The following DNAJB13 variants were observed in gnomAD, a reference collection of about 807,000 sequenced individuals.
The protein encoded by DNAJB13 is DnaJ heat shock protein family (Hsp40) member B13, also known as dnaJ homolog subfamily B member 13.
A neutral mutation model predicts 35.6 loss-of-function variants in DNAJB13; 22 were observed. That is an observed-to-expected ratio of 0.62 (90% CI 0.44 to 0.88). The LOEUF (loss-of-function observed/expected upper bound fraction) is 0.88, where lower values mean the gene tolerates loss of function less well. Ranked by LOEUF, DNAJB13 falls within the 40% of genes least tolerant of loss-of-function variation. DNAJB13 has a pLI of 0.00. For missense variants in DNAJB13, 370 were observed against 384.3 expected, an observed-to-expected ratio of 0.96 and a Z score of 0.31; for synonymous variants, 136 against 144.2, an observed-to-expected ratio of 0.94 and a Z score of 0.41.
intron 3 of DNAJB13, among the ~76,000 whole-genome samples, chr11:73,961,914 C>T (rs773021421): frequency 4.6e-5 from 7 of 152,250 alleles, no homozygotes; most frequent in South Asian, 4.2e-4. Flanking sequence ...CTCAGCCACC[C>T]GAGTAGCTGG....
chr11:73,951,031 C>A lies in DNAJB13; in HGVS notation c.-39C>A. The A allele has an allele frequency of 6.2e-7, 1 of 1,611,728 alleles. No individual in the cohort carries two copies. Among genetic ancestry groups the A allele is most frequent in the South Asian group, 1.1e-5 (1 of 90,738 alleles). ...AGCCAACTAACAGCCTTGCTAGAGT[C>A]TGAGGACTATCCAGGGCCTGACTGC... is the stretch of plus-strand genomic sequence containing the variant. On this transcript the variant is annotated 5_prime_UTR_variant, in exon 1 of 8. The change creates a new upstream start codon in the 5' untranslated region. Transcript: ENST00000339764.
Position 73,964,897 on chromosome 11 carries a change from A to C in DNAJB13, c.354A>C (p.Gly118=). ...NPFSEFFDAE[G]SEVDLNFGGL... is the part of the protein sequence containing the mutation. ...CTGCAGAGTTTTTTGATGCAGAAGG[A>C]AGTGAGGTAGATTTGAACTTTGGGG... The change falls in exon 4 of 8, where the codon GGA becomes GGC. Residue 118 remains glycine, a synonymous_variant. Coordinates refer to ENST00000339764, the MANE Select transcript of DNAJB13 (RefSeq NM_153614.4). 1 of 1,613,074 alleles carries C rather than the reference A, an allele frequency of 6.2e-7. No homozygotes were observed. Among genetic ancestry groups the C allele is most frequent in the Non-Finnish European group, 8.5e-7 (1 of 1,179,880 alleles).
intron 1 of DNAJB13, among the ~76,000 whole-genome samples, chr11:73,956,489 G>A (rs912894672): frequency 6.6e-6 from 1 of 152,176 alleles, no homozygotes; most frequent in Admixed American, 6.5e-5. Flanking sequence ...GGTTATGCCA[G>A]GAGAGGGACC....
intron 5 of DNAJB13, among the ~76,000 whole-genome samples, chr11:73,967,748 A>G (rs910810357): frequency 1.3e-5 from 2 of 152,164 alleles, no homozygotes; most frequent in African/African-American, 4.8e-5. Flanking sequence ...CTGTCTAAAA[A>G]CAAAACAAAC....
chr11:73,957,936 A>G (rs567624316), intron 1 of DNAJB13, among the ~76,000 whole-genome samples: 51 of 150,962 alleles, frequency 3.4e-4, no homozygotes, highest in African/African-American at 1.2e-3. Flanking sequence ...AAGGAGGGAG[A>G]GTGCAGCGAG....
At chr11:73,967,375 C>A (rs1951147335) in intron 5 of DNAJB13, among the ~76,000 whole-genome samples, 1 of 152,090 alleles carries the variant, frequency 6.6e-6, no homozygotes, top group Non-Finnish European at 1.5e-5. Context: ...ATCCTTAAGT[C>A]CTGAGAAGAG....
rs1431910575 is a variant in DNAJB13 at position 73,969,242 on chromosome 11, C to T, written c.721-4C>T. The T allele has an allele frequency of 4.6e-6, 4 of 865,010 alleles. No homozygotes were observed. The highest frequency in any genetic ancestry group is 6.0e-6 in the Non-Finnish European group (3 of 498,556). The allele number at this position is 865,010 out of a possible 1,614,324, so 53.6% of individuals were successfully genotyped here. A position where few individuals can be genotyped will look rare whatever the true frequency, so the allele number is the denominator to read the frequency against. Reference sequence around the variant, plus strand: ...GCCCCACCTTTGGCCCTGACCCTCCCTAGGCTCTCACCTGCTGCACTGTGG... The same window carrying T: ...GCCCCACCTTTGGCCCTGACCCTCCTTAGGCTCTCACCTGCTGCACTGTGG... On this transcript the variant is annotated splice_region_variant and splice_polypyrimidine_tract_variant and intron_variant, in intron 6 of 7. Transcript: ENST00000339764.
At position 73,966,158 on chromosome 11, in the gene DNAJB13, C is replaced by T; in HGVS notation, c.513C>T (p.Tyr171=). 6.2e-7 allele frequency: 1 copy of T among 1,613,516 alleles called. No homozygotes were observed. Among genetic ancestry groups the T allele is most frequent in the Non-Finnish European group, 8.5e-7 (1 of 1,179,868 alleles). ...TATAGGTGCTGAACGAGGATGGGTA[C>T]TCCTCCACCATCAAGGACAAGATCC... ...ISRRVLNEDG[Y]SSTIKDKILT... Residue 171 remains tyrosine, a synonymous_variant, in exon 5 of 8, where the codon TAC becomes TAT. Coordinates refer to ENST00000339764, the MANE Select transcript of DNAJB13 (RefSeq NM_153614.4).
At chr11:73,969,444 C>T in intron 7 of DNAJB13, 122 bp downstream of exon 7, 1 of 677,458 alleles carries the variant, frequency 1.5e-6, no homozygotes, top group South Asian at 1.8e-5. Context: ...GGGTTCCCTG[C>T]TGAGGGGATA....
At chr11:73,965,129 G>A in intron 4 of DNAJB13, 94 bp downstream of exon 4, 1 of 1,341,404 alleles carries the variant, frequency 7.5e-7, no homozygotes, top group Non-Finnish European at 1.0e-6. Context: ...CTCAGGGATG[G>A]TCTCTGATGG....
rs1976139 is a variant in DNAJB13 at position 73,959,932 on chromosome 11, T to G, written c.334+277T>G. 20,867 of 183,888 alleles carry G rather than the reference T, an allele frequency of 0.11. 1,226 individuals carry two copies. The highest frequency in any genetic ancestry group is 0.16 in the East Asian group (1,194 of 7,418). The allele number at this position is 183,888 out of a possible 1,614,324, so 11.4% of individuals were successfully genotyped here. A position where few individuals can be genotyped will look rare whatever the true frequency, so the allele number is the denominator to read the frequency against. On this transcript the variant is annotated intron_variant, in intron 3 of 7. Coordinates refer to ENST00000339764, the MANE Select transcript of DNAJB13 (RefSeq NM_153614.4). The stretch of plus-strand genomic sequence containing the variant: ...CGCACGCTGCCACACCCAGTTAATT[T>G]TTTTATATTTTTAGTAGAGACGAGG...
chr11:73,965,385 T>C (rs1015426866), intron 4 of DNAJB13: 7 of 183,600 alleles, frequency 3.8e-5, no homozygotes, highest in African/African-American at 1.4e-4. Context: ...TACCAGACCA[T>C]ATTCCCAGGA....
intron 4 of DNAJB13, chr11:73,965,393 G>C (rs1370316923): frequency 5.5e-6 from 1 of 180,980 alleles, no homozygotes; most frequent in African/African-American, 2.4e-5. Context: ...CATATTCCCA[G>C]GATTTCATCA....
chr11:73,962,534 A>G (rs1591191613), intron 3 of DNAJB13, among the ~76,000 whole-genome samples: 2 of 148,824 alleles, frequency 1.3e-5, no homozygotes, highest in South Asian at 4.1e-4. Context: ...CAGGTCTGAG[A>G]CAAACTGACC....
At chr11:73,967,732 G>A (rs985407455) in intron 5 of DNAJB13, among the ~76,000 whole-genome samples, 5 of 152,172 alleles carry the variant, frequency 3.3e-5, no homozygotes, top group African/African-American at 1.2e-4. Context: ...GCAACAGAGC[G>A]AGATCCTGTC....
At chr11:73,964,806 T>TGTGCGC (rs1951040729) in intron 3 of DNAJB13, 72 bp from the exon 4 acceptor site, 5 of 729,894 alleles carry the variant, frequency 6.9e-6, no homozygotes, top group South Asian at 6.5e-5. Context: ...TGTGTGTGTG[T>TGTGCGC]GTGTGTGCGC....
Position 73,968,284 on chromosome 11 carries a change from G to A in DNAJB13, c.607-61G>A, listed in dbSNP as rs1462253193. On this transcript the variant is annotated intron_variant, in intron 5 of 7. Coordinates refer to ENST00000339764, the MANE Select transcript of DNAJB13 (RefSeq NM_153614.4). ...AAGACATGGAGACAAGTAGAGGCAG[G>A]AACTTGGCCAAGGTCACACGGCCAA... 2.1e-6 allele frequency: 3 copies of A among 1,425,932 alleles called. No homozygotes were observed. In the African/African-American group the frequency reaches 4.2e-5, roughly 20 times the overall value. The allele number at this position is 1,425,932 out of a possible 1,614,324, so 88.3% of individuals were successfully genotyped here.
At chr11:73,959,910 A>C (rs537511946) in intron 3 of DNAJB13, 1 of 223,678 alleles carries the variant, frequency 4.5e-6, no homozygotes, top group Admixed American at 5.5e-5. Flanking sequence ...CTACAGGCGC[A>C]CGCTGCCACA....
In DNAJB13 at chr11:73,959,515, A is replaced by G; in HGVS notation, c.194A>G (p.Asp65Gly). 1.2e-6 allele frequency: 2 copies of G among 1,614,010 alleles called. No homozygotes were observed. The highest frequency in any genetic ancestry group is 1.1e-5 in the South Asian group (1 of 91,074). ...LSDPMKRGIYDKFGEEGLKGG... is the reference protein window; with the variant it reads ...LSDPMKRGIYGKFGEEGLKGG... ...ACAGCCATGAAGAGAGGCATCTACG[A>G]CAAGTTTGGAGAAGAGGGCCTGAAG... Residue 65 changes from aspartate to glycine, a missense_variant, in exon 3 of 8, where the codon GAC (aspartate) becomes GGC (glycine). Transcript: ENST00000339764.
Sources: allele counts gnomAD v4.1 joint callset (sites outside exome capture counted in the v4.1 genomes callset), GRCh38; gene constraint gnomAD v4.1.1; transcripts MANE v1.5; gene names NCBI Gene and HGNC (gene_info 2026-07-23, HGNC 2026-07-21).